The following TAFA5 variants were observed in gnomAD, a reference collection of about 807,000 sequenced individuals.
The protein encoded by TAFA5 is TAFA chemokine like family member 5, also known as chemokine-like protein TAFA-5.
A neutral mutation model predicts 15.3 loss-of-function variants in TAFA5; 6 were observed. The observed-to-expected ratio is 0.39, with a 90% confidence interval of 0.21 to 0.77. The LOEUF is 0.77. TAFA5 is among the 30% of genes least tolerant of loss of function. The pLI is 0.41. For synonymous variants in TAFA5, 103 were observed against 80.7 expected (o/e 1.28, Z -1.48); for missense variants, 161 against 193.1 (o/e 0.83, Z 0.98).
At chr22:48,679,644 C>T (rs375811482) in intron 2 of TAFA5, among the ~76,000 whole-genome samples, 2,803 of 81,360 alleles carry the variant, frequency 0.034, 99 homozygotes, top group Admixed American at 0.039. Flanking sequence ...CCGTCCATCC[C>T]TCTCCGGGCT....
At chr22:48,620,991 C>T (rs1254636254) in intron 1 of TAFA5, among the ~76,000 whole-genome samples, 1 of 134,472 alleles carries the variant, frequency 7.4e-6, no homozygotes, top group Admixed American at 7.1e-5. Flanking sequence ...TCCACCCACC[C>T]ACCCACACTA....
intron 3 of TAFA5, among the ~76,000 whole-genome samples, chr22:48,719,992 G>T (rs1211137311): frequency 6.6e-6 from 1 of 152,162 alleles, no homozygotes; most frequent in Non-Finnish European, 1.5e-5. Context: ...GACGTGACAC[G>T]CTGGGCGCCA....
chr22:48,527,995 T>A (rs1032337534), intron 1 of TAFA5, among the ~76,000 whole-genome samples: 1 of 152,246 alleles, frequency 6.6e-6, no homozygotes, highest in Non-Finnish European at 1.5e-5. Context: ...ATCGGGAATG[T>A]CATGTGACCC....
rs1928079664 is a variant in TAFA5 at position 48,489,861 on chromosome 22, T to C, written c.112+157T>C. On this transcript the variant is annotated intron_variant, in intron 1 of 3. Transcript: ENST00000402357. This position sits in a 1 kb window ranked among gnomAD's most constrained non-coding sequence, Gnocchi z 5.5. ...AGTCCCGGCCGGTCCAACGCTGCGCTGGGCGGGCGAGAGGGTCCACCCGGG... is the reference window on the plus strand; with the variant it reads ...AGTCCCGGCCGGTCCAACGCTGCGCCGGGCGGGCGAGAGGGTCCACCCGGG... Among the ~76,000 whole-genome samples the C allele has an allele frequency of 6.6e-6, 1 of 151,590 alleles. No homozygotes were observed. The highest frequency in any genetic ancestry group is 2.0e-4 in the East Asian group (1 of 5,056).
At chr22:48,519,030 T>TCTCCACC in intron 1 of TAFA5, among the ~76,000 whole-genome samples, 1 of 152,176 alleles carries the variant, frequency 6.6e-6, no homozygotes, top group African/African-American at 2.4e-5. Context: ...ACGCCTGGGG[T>TCTCCACC]CTCCACCCAC....
At chr22:48,531,302 G>A (rs919185548) in intron 1 of TAFA5, among the ~76,000 whole-genome samples, 1 of 152,246 alleles carries the variant, frequency 6.6e-6, no homozygotes, top group Non-Finnish European at 1.5e-5. Context: ...GTCCTGGGCA[G>A]GGTGGGGCTG....
chr22:48,700,631 G>A (rs1321605022), intron 2 of TAFA5, among the ~76,000 whole-genome samples: 4 of 152,310 alleles, frequency 2.6e-5, no homozygotes, highest in Non-Finnish European at 4.4e-5. Flanking sequence ...ACACGTGAGT[G>A]TGCACGTGGA....
chr22:48,611,540 A>G (rs1925410983), intron 1 of TAFA5, among the ~76,000 whole-genome samples: 1 of 152,066 alleles, frequency 6.6e-6, no homozygotes, highest in Non-Finnish European at 1.5e-5. Context: ...GGGCTCGGCC[A>G]TGTGGATTCT....
chr22:48,571,399 G>A (rs1923578385), intron 1 of TAFA5, among the ~76,000 whole-genome samples: 1 of 148,412 alleles, frequency 6.7e-6, no homozygotes, highest in Non-Finnish European at 1.5e-5. Context: ...CTCAGCATCT[G>A]GAGTACCTGG....
At chr22:48,539,368 C>T (rs958345486) in intron 1 of TAFA5, 2 of 471,072 alleles carry the variant, frequency 4.2e-6, no homozygotes, top group African/African-American at 2.0e-5. Flanking sequence ...CCAGGCTGTG[C>T]GTGGCCGGGC....
intron 1 of TAFA5, among the ~76,000 whole-genome samples, chr22:48,576,959 G>A (rs1923833758): frequency 6.6e-6 from 1 of 152,138 alleles, no homozygotes; most frequent in Non-Finnish European, 1.5e-5. Flanking sequence ...CTCCACGGTG[G>A]CCGGCCGGGC....
rs575179066 is a variant in TAFA5 at position 48,504,540 on chromosome 22, G to A, written c.112+14836G>A. Among the ~76,000 whole-genome samples, 11 of 152,264 alleles carry A rather than the reference G, an allele frequency of 7.2e-5. No homozygotes were observed. In the South Asian group the frequency reaches 2.3e-3, roughly 32 times the overall value. ...GAGTCCGGGCACCTTGCTGGGGGAC[G>A]TTTCCCACATGCTGTCAGACTGGCT... On this transcript the variant is annotated intron_variant, in intron 1 of 3. Transcript: ENST00000402357.
intron 1 of TAFA5, among the ~76,000 whole-genome samples, chr22:48,612,907 G>A (rs561236543): frequency 1.3e-5 from 2 of 152,254 alleles, no homozygotes; most frequent in Admixed American, 6.5e-5. Flanking sequence ...GGTGGTGCAG[G>A]AGGTCACAGT....
chr22:48,551,212 C>T (rs994970095), intron 1 of TAFA5, among the ~76,000 whole-genome samples: 8 of 152,126 alleles, frequency 5.3e-5, no homozygotes, highest in Admixed American at 4.6e-4. Flanking sequence ...GGGCCCCTGA[C>T]CCTGACCTGG....
chr22:48,662,400 A>G (rs79229140), intron 2 of TAFA5, among the ~76,000 whole-genome samples: 1,938 of 152,244 alleles, frequency 0.013, 42 homozygotes, highest in African/African-American at 0.044. Flanking sequence ...CTGGACCATA[A>G]GTTCAGGGCA....
At chr22:48,517,535 G>A (rs1271511801) in intron 1 of TAFA5, among the ~76,000 whole-genome samples, 1 of 152,198 alleles carries the variant, frequency 6.6e-6, no homozygotes, top group Admixed American at 6.5e-5. Flanking sequence ...CTGTGACCTG[G>A]CCCCGGGCTG....
rs548419421 is a variant in TAFA5, at chr22:48,496,021, A to G, written c.112+6317A>G. On this transcript the variant is annotated intron_variant, in intron 1 of 3. Transcript: ENST00000402357. ...TGGACATAGGTGCTGTGGTGCTCCT[A>G]TCGCCCGTGAAGGCCCGGCTTACTC... Among the ~76,000 whole-genome samples, 26 of 152,302 alleles carry G rather than the reference A, an allele frequency of 1.7e-4. No individual in the cohort carries two copies. The South Asian group carries it at 5.4e-3, about 32-fold the overall frequency.
At chr22:48,698,561 G>A (rs1180680804) in intron 2 of TAFA5, among the ~76,000 whole-genome samples, 1 of 151,310 alleles carries the variant, frequency 6.6e-6, no homozygotes, top group Non-Finnish European at 1.5e-5. Flanking sequence ...AGGGATGCCA[G>A]TGCCATGCAG....
chr22:48,591,889 G>A (rs772485575), intron 1 of TAFA5, among the ~76,000 whole-genome samples: 4 of 152,198 alleles, frequency 2.6e-5, no homozygotes, highest in African/African-American at 7.2e-5. Context: ...CATCCCGGGC[G>A]CCTGGGCCCG....
Sources: gnomAD v4.1 joint callset for allele counts (sites outside exome capture counted in the v4.1 genomes callset) on GRCh38, gnomAD v4.1.1 for gene constraint, Gnocchi (gnomAD v3.1) non-coding constraint, MANE v1.5 for transcripts, NCBI Gene and HGNC (gene_info 2026-07-23, HGNC 2026-07-21) for gene names.